Variants in TNFSF11 observed in about 807,000 individuals in gnomAD.
The protein encoded by TNFSF11 is tumor necrosis factor ligand superfamily member 11.
Under a neutral mutation model 32.2 loss-of-function variants are expected in TNFSF11, and 12 were observed. The observed-to-expected ratio is 0.37, with a 90% CI of 0.24 to 0.60. The LOEUF is 0.60. Ranked by LOEUF, TNFSF11 falls within the 20% of genes least tolerant of loss-of-function variation. TNFSF11 has a pLI of 0.66. For synonymous variants in TNFSF11, 172 were observed against 152.1 expected (o/e 1.13, Z -0.96); for missense variants, 345 against 398.0 (o/e 0.87, Z 1.13).
At chr13:42,577,533 C>CTG (rs147152878) in intron 1 of TNFSF11, among the ~76,000 whole-genome samples, 7 of 151,694 alleles carry the variant, frequency 4.6e-5, no homozygotes, top group Non-Finnish European at 8.8e-5. Context: ...AAAAGTTGCT[C>CTG]TGTGTGTGTG....
chr13:42,601,706 A>G (rs995293599), intron 4 of TNFSF11, among the ~76,000 whole-genome samples: 2 of 152,192 alleles, frequency 1.3e-5, no homozygotes, highest in Non-Finnish European at 2.9e-5. Context: ...GAACACTTGA[A>G]GATCTTAAAG....
chr13:42,599,016 A>G (rs1868978385), intron 2 of TNFSF11, among the ~76,000 whole-genome samples: 1 of 152,170 alleles, frequency 6.6e-6, no homozygotes, highest in Non-Finnish European at 1.5e-5. Flanking sequence ...GTGCCTAAAT[A>G]CCCGCCCTGC....
chr13:42,579,845 G>T (rs1162088892), intron 1 of TNFSF11, among the ~76,000 whole-genome samples: 1 of 150,232 alleles, frequency 6.7e-6, no homozygotes, highest in Admixed American at 6.7e-5. Context: ...CTTCACGGTG[G>T]TATCTCTTCC....
Position 42,574,287 on chromosome 13 carries a change from C to A in TNFSF11, c.-17C>A. ...CGGGAGAGGGAGGAGAGCTCCGAAG[C>A]GAGAGGGCCGAGCGCCATGCGCCGC... On this transcript the variant is annotated 5_prime_UTR_variant, in exon 1 of 5. Coordinates refer to ENST00000398795, the MANE Select transcript of TNFSF11 (RefSeq NM_003701.4). The A allele has an allele frequency of 1.3e-6, 2 of 1,546,178 alleles. No individual in the cohort carries two copies. Among genetic ancestry groups the A allele is most frequent in the Admixed American group, 2.0e-5 (1 of 50,986 alleles).
Position 42,566,620 on chromosome 13 carries a change from G to C in TNFSF11, c.-301-1G>C, listed in dbSNP as rs1347579437. Reference sequence around the variant, plus strand: ...TAATTTTGGACTTTAAAATCCAACAGATCACCTGAATAATAGAACAGAAAC... The same window carrying C: ...TAATTTTGGACTTTAAAATCCAACACATCACCTGAATAATAGAACAGAAAC... On this transcript the variant is annotated splice_acceptor_variant, in intron 1 of 6. Coordinates refer to the TNFSF11 transcript ENST00000358545. LOFTEE classifies it low-confidence loss of function (5UTR_SPLICE). 1 of 152,352 alleles carries C rather than the reference G, an allele frequency of 6.6e-6. No individual in the cohort carries two copies. Among genetic ancestry groups the C allele is most frequent in the Admixed American group, 6.5e-5 (1 of 15,288 alleles). The allele number at this position is 152,352 out of a possible 1,614,324, so 9.4% of individuals were successfully genotyped here.
In TNFSF11 at chr13:42,581,276, C is replaced by T. The variant is rs766807329; in HGVS notation, c.370C>T (p.Gln124Ter). The change falls in exon 2 of 5, where the codon CAA (glutamine) becomes TAA (stop). Residue 124 changes from glutamine to a stop codon, truncating the protein, a stop_gained. Coordinates refer to ENST00000398795, the MANE Select transcript of TNFSF11 (RefSeq NM_003701.4). LOFTEE classifies it high-confidence loss of function. The stretch of plus-strand genomic sequence containing the variant: ...ATGTAGGAGAATTAAACAGGCCTTT[C>T]AAGGAGCTGTGCAAAAGGTAAGTCC... ...DSCRRIKQAFQGAVQKELQHI... is the reference protein window; with the variant it reads ...DSCRRIKQAF 6.2e-7 allele frequency: 1 copy of T among 1,614,008 alleles called. No homozygotes were observed. The highest frequency in any genetic ancestry group is 8.5e-7 in the Non-Finnish European group (1 of 1,179,934).
At chr13:42,563,924 T>C (rs1282452349) in intron 1 of TNFSF11, among the ~76,000 whole-genome samples, 1 of 152,176 alleles carries the variant, frequency 6.6e-6, no homozygotes, top group Non-Finnish European at 1.5e-5. Flanking sequence ...TTCCTTCTGT[T>C]GCATTTTTTC....
intron 4 of TNFSF11, among the ~76,000 whole-genome samples, chr13:42,605,812 A>G (rs943248243): frequency 2.0e-5 from 3 of 152,196 alleles, no homozygotes; most frequent in Non-Finnish European, 4.4e-5. Flanking sequence ...CTAAGGTGGG[A>G]GACACTTGGG....
At chr13:42,603,757 A>C (rs1382391791) in intron 4 of TNFSF11, among the ~76,000 whole-genome samples, 1 of 152,112 alleles carries the variant, frequency 6.6e-6, no homozygotes, top group Non-Finnish European at 1.5e-5. Flanking sequence ...CAGAAGTGAA[A>C]ATGCATATTT....
chr13:42,590,587 G>A (rs1417768816), intron 2 of TNFSF11, among the ~76,000 whole-genome samples: 2 of 152,184 alleles, frequency 1.3e-5, no homozygotes, highest in Admixed American at 6.5e-5. Flanking sequence ...ATGGAAGGTG[G>A]CATTATTTTT....
intron 2 of TNFSF11, among the ~76,000 whole-genome samples, chr13:42,590,350 G>T (rs1253719752): frequency 1.3e-5 from 2 of 152,344 alleles, no homozygotes; most frequent in East Asian, 1.9e-4. Context: ...CTGCTTCTTT[G>T]AGAGGAGAGC....
At position 42,563,663 on chromosome 13, in the gene TNFSF11, CAA is replaced by C. The variant is rs34732335; in HGVS notation, c.-302+715_-302+716del. 5.0e-3 allele frequency among the ~76,000 whole-genome samples: 632 copies of C among 127,298 alleles called. 2 individuals are homozygous for C. The highest frequency in any genetic ancestry group is 0.013 in the African/African-American group (439 of 34,326). The allele number at this position is 127,298 out of a possible 152,430, so 83.5% of individuals were successfully genotyped here. A position where few individuals can be genotyped will look rare whatever the true frequency, so the allele number is the denominator to read the frequency against. ...GGGCAACAGAGCAAAAACTCCGTCT[CAA>C]AAAAAAAAAAAAAAGGAAGAAAGAA... On this transcript the variant is annotated intron_variant, in intron 1 of 6. Coordinates refer to the TNFSF11 transcript ENST00000358545.
At chr13:42,597,560 T>A (rs1443711288) in intron 2 of TNFSF11, among the ~76,000 whole-genome samples, 1 of 152,156 alleles carries the variant, frequency 6.6e-6, no homozygotes, top group African/African-American at 2.4e-5. Flanking sequence ...TTCTTTGGCC[T>A]GGATATCAAG....
chr13:42,601,053 C>T, intron 4 of TNFSF11, 72 bp downstream of exon 4: 5 of 1,545,122 alleles, frequency 3.2e-6, no homozygotes, highest in Non-Finnish European at 4.5e-6. Flanking sequence ...ATACTGAAAC[C>T]TATTTTTAGT....
In TNFSF11 at chr13:42,574,171, C is replaced by T; in HGVS notation, c.-133C>T. 7.8e-7 allele frequency: 1 copy of T among 1,283,548 alleles called. No individual in the cohort carries two copies. Among genetic ancestry groups the T allele is most frequent in the Non-Finnish European group, 1.1e-6 (1 of 917,908 alleles). The allele number at this position is 1,283,548 out of a possible 1,614,324, so 79.5% of individuals were successfully genotyped here. ...CGCCCTGCCCGCTCGCCCGCGCGCC[C>T]CAGGACCCAAAGCCGGGCTCCAAGT... On this transcript the variant is annotated 5_prime_UTR_variant, in exon 1 of 5. Transcript: ENST00000398795.
intron 2 of TNFSF11, among the ~76,000 whole-genome samples, chr13:42,596,862 T>A (rs1438874142): frequency 6.6e-6 from 1 of 152,222 alleles, no homozygotes; most frequent in African/African-American, 2.4e-5. Context: ...GGGAGCATCT[T>A]TAAAAAACTA....
chr13:42,598,058 G>A (rs1868919443), intron 2 of TNFSF11, among the ~76,000 whole-genome samples: 1 of 152,064 alleles, frequency 6.6e-6, no homozygotes, highest in Admixed American at 6.5e-5. Context: ...TGTTGCCCAA[G>A]CTGGTCTCAA....
intron 1 of TNFSF11, among the ~76,000 whole-genome samples, chr13:42,577,271 G>A (rs1873365838): frequency 1.3e-5 from 2 of 152,186 alleles, no homozygotes; most frequent in African/African-American, 4.8e-5. Context: ...CCAGAATAGT[G>A]TAAAAATTAC....
chr13:42,565,806 A>G (rs752817474), intron 1 of TNFSF11, among the ~76,000 whole-genome samples: 2 of 152,210 alleles, frequency 1.3e-5, no homozygotes, highest in Non-Finnish European at 2.9e-5. Context: ...TCAATCTGGA[A>G]GATGGGTTTA....
Sources: gnomAD v4.1 joint callset for allele counts (sites outside exome capture counted in the v4.1 genomes callset) on GRCh38, gnomAD v4.1.1 for gene constraint, MANE v1.5 for transcripts, NCBI Gene and HGNC (gene_info 2026-07-23, HGNC 2026-07-21) for gene names.